The following PPME1 variants were observed in gnomAD, a reference collection of about 807,000 sequenced individuals.
PPME1 encodes the protein testicular secretory protein Li 39.
PPME1 carries 17 observed loss-of-function variants against 56.9 expected under a neutral mutation model. That is an observed-to-expected ratio of 0.30 (90% CI 0.20 to 0.45). The LOEUF is 0.45. Ranked by LOEUF, PPME1 falls within the 20% of genes least tolerant of loss-of-function variation. The probability of loss-of-function intolerance (pLI) is 1.00; values close to 1 mark genes in which losing one functional copy is unlikely to be tolerated. For missense variants in PPME1, 357 were observed against 483.2 expected, an observed-to-expected ratio of 0.74 and a Z score of 2.45; for synonymous variants, 122 against 156.2, an observed-to-expected ratio of 0.78 and a Z score of 1.63.
At chr11:74,237,408 T>C (rs1859220928) in intron 8 of PPME1, among the ~76,000 whole-genome samples, 1 of 151,780 alleles carries the variant, frequency 6.6e-6, no homozygotes. Context: ...CCTGAGTAGC[T>C]GGGACTACAG....
intron 1 of PPME1, among the ~76,000 whole-genome samples, chr11:74,189,690 T>C (rs1033327524): frequency 6.6e-6 from 1 of 152,228 alleles, no homozygotes; most frequent in Non-Finnish European, 1.5e-5. Flanking sequence ...AGTTGCATAG[T>C]ATTCTGTTGT....
rs773529715 is a variant in PPME1, at chr11:74,251,728, C to T, written c.1142+13C>T. The T allele has an allele frequency of 4.3e-6, 7 of 1,613,752 alleles. No homozygotes were observed. The African/African-American group carries it at 6.7e-5, about 15-fold the overall frequency. ...GTGGATTCCAGTGGTAAGGCGGGTACAAGGGTTTAAGAACCCAGCAGTGCT... is the reference window on the plus strand; with the variant it reads ...GTGGATTCCAGTGGTAAGGCGGGTATAAGGGTTTAAGAACCCAGCAGTGCT... On this transcript the variant is annotated intron_variant, in intron 13 of 13. Transcript: ENST00000328257.
chr11:74,196,584 G>A (rs1210148725), intron 1 of PPME1, among the ~76,000 whole-genome samples: 1 of 152,108 alleles, frequency 6.6e-6, no homozygotes, highest in Non-Finnish European at 1.5e-5. Context: ...AGGGTTCTTG[G>A]ATCTCACTCA....
chr11:74,185,928 T>C (rs1012868513), intron 1 of PPME1, among the ~76,000 whole-genome samples: 2 of 152,102 alleles, frequency 1.3e-5, no homozygotes, highest in Non-Finnish European at 2.9e-5. Context: ...CTGAAGATGG[T>C]TTTAAGTGAG....
At position 74,230,521 on chromosome 11, in the gene PPME1, T is replaced by C. The variant is rs564605090; in HGVS notation, c.553+122T>C. 1.1e-5 allele frequency: 13 copies of C among 1,200,012 alleles called. No individual in the cohort carries two copies. The African/African-American group carries it at 1.9e-4, about 17-fold the overall frequency. The allele number at this position is 1,200,012 out of a possible 1,614,324, so 74.3% of individuals were successfully genotyped here. ...ATCTTGAAATATGTCCCTCTGTCTTTATATCTTTTTTAAGTTTATACAAGA... is the reference window on the plus strand; with the variant it reads ...ATCTTGAAATATGTCCCTCTGTCTTCATATCTTTTTTAAGTTTATACAAGA... On this transcript the variant is annotated intron_variant, in intron 6 of 13. Transcript: ENST00000328257. This position sits in a 1 kb window ranked among gnomAD's most constrained non-coding sequence, Gnocchi z 4.9.
chr11:74,204,325 T>G, intron 2 of PPME1, 28 bp from the exon 3 acceptor site: 1 of 1,557,236 alleles, frequency 6.4e-7, no homozygotes, highest in Non-Finnish European at 8.8e-7. Context: ...AGCAAAAACA[T>G]AGATGTTTTA....
intron 1 of PPME1, among the ~76,000 whole-genome samples, chr11:74,202,541 T>C (rs140921409): frequency 1.3e-3 from 197 of 152,306 alleles, no homozygotes; most frequent in African/African-American, 4.6e-3. Context: ...TTTGTAGATA[T>C]TCTCCATAGC....
chr11:74,178,308 C>A (rs72986703), intron 1 of PPME1, among the ~76,000 whole-genome samples: 2 of 152,310 alleles, frequency 1.3e-5, no homozygotes, highest in Non-Finnish European at 2.9e-5. Context: ...AGCTCCCCAA[C>A]AGATTTTTCC....
intron 1 of PPME1, among the ~76,000 whole-genome samples, chr11:74,201,166 G>A (rs927420523): frequency 2.6e-5 from 4 of 151,826 alleles, no homozygotes; most frequent in Admixed American, 6.6e-5. Context: ...TAGTAGAGAC[G>A]GGGTTTCACC....
At position 74,240,726 on chromosome 11, in the gene PPME1, G is replaced by A. The variant is rs574412223; in HGVS notation, c.834+1470G>A. The stretch of plus-strand genomic sequence containing the variant: ...GTCCTCTGAACACCTTATGAGGTGT[G>A]GAGAGATCTTTTCTCCCATATTATG... On this transcript the variant is annotated intron_variant, in intron 9 of 13. Coordinates refer to ENST00000328257, the MANE Select transcript of PPME1 (RefSeq NM_016147.3). Among the ~76,000 whole-genome samples the A allele has an allele frequency of 2.6e-5, 4 of 152,288 alleles. No individual in the cohort carries two copies. The South Asian group carries it at 8.3e-4, about 32-fold the overall frequency.
At chr11:74,251,364 T>G (rs1859655103) in intron 12 of PPME1, 2 of 1,356,996 alleles carry the variant, frequency 1.5e-6, no homozygotes, top group Non-Finnish European at 9.5e-7. Flanking sequence ...GGAATTAATA[T>G]GGGCTCCTCC....
intron 1 of PPME1, among the ~76,000 whole-genome samples, chr11:74,186,333 A>G (rs1267309128): frequency 6.6e-6 from 1 of 152,108 alleles, no homozygotes; most frequent in African/African-American, 2.4e-5. Flanking sequence ...TACTATCCCT[A>G]CAGCAGGAAC....
intron 1 of PPME1, among the ~76,000 whole-genome samples, chr11:74,180,061 A>G (rs1428456773): frequency 1.5e-4 from 23 of 152,214 alleles, no homozygotes; most frequent in Non-Finnish European, 1.3e-4. Context: ...TGAGACATTC[A>G]TGTAAAAACA....
intron 1 of PPME1, among the ~76,000 whole-genome samples, chr11:74,200,652 G>A (rs1199410268): frequency 6.6e-6 from 1 of 151,950 alleles, no homozygotes; most frequent in Admixed American, 6.6e-5. Context: ...CAAAGTGCTG[G>A]GATTATAGGC....
intron 11 of PPME1, chr11:74,247,458 C>A (rs2135679651): frequency 5.5e-6 from 1 of 181,638 alleles, no homozygotes; most frequent in Non-Finnish European, 1.1e-5. Context: ...GATATTCTGA[C>A]TACTGATCAG....
chr11:74,174,923 T>C (rs371735943), intron 1 of PPME1, among the ~76,000 whole-genome samples: 9 of 152,228 alleles, frequency 5.9e-5, no homozygotes, highest in Non-Finnish European at 1.3e-4. Flanking sequence ...CACTTTTCAG[T>C]ACACTAATAT....
chr11:74,186,060 A>C (rs1857672810), intron 1 of PPME1, among the ~76,000 whole-genome samples: 1 of 152,214 alleles, frequency 6.6e-6, no homozygotes, highest in South Asian at 2.1e-4. Flanking sequence ...CACGATGCTC[A>C]ACACAGAAAA....
chr11:74,188,274 G>A (rs1273990707), intron 1 of PPME1, among the ~76,000 whole-genome samples: 3 of 146,334 alleles, frequency 2.1e-5, no homozygotes, highest in East Asian at 2.0e-4. Context: ...TGCAACCTCC[G>A]CCTCCCGGTT....
rs377271302 is a variant in PPME1 at position 74,246,045 on chromosome 11, G to T, written c.835-31G>T. The T allele has an allele frequency of 1.1e-5, 18 of 1,566,208 alleles. No individual in the cohort carries two copies. In the Admixed American group the frequency reaches 3.2e-4, roughly 28 times the overall value. On this transcript the variant is annotated intron_variant, in intron 9 of 13. Coordinates refer to ENST00000328257, the MANE Select transcript of PPME1 (RefSeq NM_016147.3). ...TCCTGTTCCTCCAGGGGTTGCCCTC[G>T]GAGACTCAGAACTTGCTCTTATTCC...
Sources: gnomAD v4.1 joint callset for allele counts (sites outside exome capture counted in the v4.1 genomes callset) on GRCh38, gnomAD v4.1.1 for gene constraint, Gnocchi (gnomAD v3.1) non-coding constraint, MANE v1.5 for transcripts, NCBI Gene and HGNC (gene_info 2026-07-23, HGNC 2026-07-21) for gene names.